The following ABCA9 variants were observed in gnomAD, a reference collection of about 807,000 sequenced individuals.
The protein encoded by ABCA9 is ATP-binding cassette sub-family A member 9.
Under a neutral mutation model 205.3 loss-of-function variants are expected in ABCA9, and 183 were observed. The ratio of observed to expected loss-of-function variants is 0.89; its 90% CI spans 0.79 to 1.01. The LOEUF (loss-of-function observed/expected upper bound fraction) is 1.01. Among genes scored for constraint, ABCA9 ranks in the 50% least tolerant of loss-of-function variants. ABCA9 has a pLI of 0.00. For missense variants in ABCA9, 1,805 were observed against 1,912.4 expected (o/e 0.94, Z 1.05); for synonymous variants, 651 against 683.3 (o/e 0.95, Z 0.74).
At chr17:68,982,025 C>T (rs563113509) in intron 37 of ABCA9, among the ~76,000 whole-genome samples, 25 of 152,158 alleles carry the variant, frequency 1.6e-4, no homozygotes, top group African/African-American at 6.0e-4. Context: ...AGACCAAAAT[C>T]CAAGGGCCTA....
At chr17:69,057,624 T>C (rs1394991884) in intron 1 of ABCA9, among the ~76,000 whole-genome samples, 1 of 152,190 alleles carries the variant, frequency 6.6e-6, no homozygotes, top group Admixed American at 6.5e-5. Flanking sequence ...TACTACAACA[T>C]AATGAAGGTA....
chr17:69,031,061 A>C (rs17684725), intron 10 of ABCA9, among the ~76,000 whole-genome samples: 2,458 of 152,238 alleles, frequency 0.016, 30 homozygotes, highest in Non-Finnish European at 0.023. Flanking sequence ...CTTTCCTAAC[A>C]GTCAGCTATG....
the ABCA9 span, among the ~76,000 whole-genome samples, chr17:69,069,904 C>T: frequency 6.6e-6 from 1 of 152,046 alleles, no homozygotes; most frequent in African/African-American, 2.4e-5. Context: ...TAAACATTTC[C>T]ATAACACTTA....
At chr17:69,012,147 T>TAACTA in intron 22 of ABCA9, 64 bp from the exon 23 acceptor site, 1 of 1,133,518 alleles carries the variant, frequency 8.8e-7, no homozygotes, top group Non-Finnish European at 1.3e-6. Flanking sequence ...TGTACTTTCT[T>TAACTA]AACTAAATCA....
intron 29 of ABCA9, among the ~76,000 whole-genome samples, chr17:68,990,438 A>AAC (rs2069410024): frequency 1.3e-5 from 2 of 152,248 alleles, no homozygotes; most frequent in South Asian, 4.1e-4. Flanking sequence ...CTAGGGTGCA[A>AAC]TGGTGCAAGT....
chr17:69,018,516 A>C lies in ABCA9; in HGVS notation c.2664T>G (p.Tyr888Ter), dbSNP rs758698557. The C allele has an allele frequency of 1.1e-5, 18 of 1,609,382 alleles. No homozygotes were observed. In the South Asian group the frequency reaches 2.0e-4, roughly 18 times the overall value. The change falls in exon 20 of 39, where the codon TAT (tyrosine) becomes TAG (stop). Residue 888 changes from tyrosine to a stop codon, truncating the protein, a stop_gained. Coordinates refer to ENST00000340001, the MANE Select transcript of ABCA9 (RefSeq NM_080283.4). LOFTEE classifies it high-confidence loss of function. Reference sequence around the variant, plus strand: ...ACAGTTCCCACGGGTAACTTTTCTGATATGACTCGTAGAATAGATGTTCCA... The same window carrying C: ...ACAGTTCCCACGGGTAACTTTTCTGCTATGACTCGTAGAATAGATGTTCCA... ...QLLEHLFYES[Y>*]QKSYPWELSP...
chr17:69,016,597 A>G (rs2070625435), intron 21 of ABCA9, among the ~76,000 whole-genome samples: 1 of 152,150 alleles, frequency 6.6e-6, no homozygotes, highest in Non-Finnish European at 1.5e-5. Flanking sequence ...CCACCATAAC[A>G]TCAACCATGT....
At chr17:68,991,747 T>G (rs1158699118) in intron 28 of ABCA9, among the ~76,000 whole-genome samples, 1 of 152,170 alleles carries the variant, frequency 6.6e-6, no homozygotes, top group Admixed American at 6.5e-5. Flanking sequence ...TCCTCCAATA[T>G]CTAGCCTCAC....
At chr17:68,983,107 T>C (rs2069116318) in intron 36 of ABCA9, among the ~76,000 whole-genome samples, 1 of 152,162 alleles carries the variant, frequency 6.6e-6, no homozygotes, top group African/African-American at 2.4e-5. Flanking sequence ...ATAATGTAAG[T>C]GCTCTTTGAT....
At chr17:69,029,842 G>C (rs1260176850) in intron 10 of ABCA9, among the ~76,000 whole-genome samples, 1 of 152,076 alleles carries the variant, frequency 6.6e-6, no homozygotes, top group Non-Finnish European at 1.5e-5. Context: ...GATGAGAGAG[G>C]AGGAAAAAGA....
chr17:68,985,177 C>A, intron 32 of ABCA9, 49 bp from the exon 33 acceptor site: 1 of 1,611,930 alleles, frequency 6.2e-7, no homozygotes, highest in Non-Finnish European at 8.5e-7. Context: ...GGCGAATGTA[C>A]ATGGGAGAAT....
At chr17:69,033,303 C>CAAAAA (rs374917872) in intron 9 of ABCA9, 3,314 of 81,770 alleles carry the variant, frequency 0.041, 134 homozygotes, top group African/African-American at 0.055. Context: ...CGAGACTTCT[C>CAAAAA]AAAAAAAAAA....
In ABCA9 at chr17:69,028,599, A is replaced by G. The variant is rs199527171; in HGVS notation, c.1551T>C (p.Gly517=). 7 of 1,610,578 alleles carry G rather than the reference A, an allele frequency of 4.3e-6. No homozygotes were observed. Among genetic ancestry groups the G allele is most frequent in the Non-Finnish European group, 5.9e-6 (7 of 1,178,164 alleles). The part of the protein sequence containing the change: ...IYEGQITALL[G]HSGAGKTTLL... ...GGGTAGTTTTTCCAGCTCCACTGTG[A>G]CCAAGGAGGGCAGTGATCTGGCCTT... The change falls in exon 12 of 39, where the codon GGT becomes GGC. Residue 517 remains glycine, a synonymous_variant. Transcript: ENST00000340001.
At chr17:68,996,387 T>G (rs1262116344) in intron 25 of ABCA9, among the ~76,000 whole-genome samples, 1 of 152,256 alleles carries the variant, frequency 6.6e-6, no homozygotes, top group East Asian at 1.9e-4. Context: ...CTATTTGTTT[T>G]CTTGGCAATT....
At chr17:69,052,036 A>T (rs1299426572) in intron 1 of ABCA9, among the ~76,000 whole-genome samples, 1 of 152,110 alleles carries the variant, frequency 6.6e-6, no homozygotes, top group East Asian at 1.9e-4. Context: ...AACTTAAGAG[A>T]TTGATTAACT....
At chr17:69,033,123 A>G (rs1281159495) in intron 9 of ABCA9, 1 of 152,186 alleles carries the variant, frequency 6.6e-6, no homozygotes, top group African/African-American at 2.4e-5. Context: ...CCTGGTCAAC[A>G]TGGTGAAACC....
intron 23 of ABCA9, among the ~76,000 whole-genome samples, chr17:69,010,973 TA>T (rs896816087): frequency 2.3e-4 from 35 of 152,250 alleles, no homozygotes; most frequent in African/African-American, 8.4e-4. Flanking sequence ...TAATATCACA[TA>T]GGCCACTGTA....
At chr17:69,033,490 G>A (rs1012212961) in intron 9 of ABCA9, 1 of 313,126 alleles carries the variant, frequency 3.2e-6, no homozygotes, top group Admixed American at 4.9e-5. Context: ...AACACTAATA[G>A]TATCATCATC....
chr17:69,073,678 C>T, the ABCA9 span, among the ~76,000 whole-genome samples: 1 of 152,108 alleles, frequency 6.6e-6, no homozygotes, highest in Non-Finnish European at 1.5e-5. Context: ...CCTAACATTA[C>T]AATTAAAAGA....
Sources: allele counts gnomAD v4.1 joint callset (sites outside exome capture counted in the v4.1 genomes callset), GRCh38; gene constraint gnomAD v4.1.1; transcripts MANE v1.5; gene names NCBI Gene and HGNC (gene_info 2026-07-23, HGNC 2026-07-21).